Variants in CERT1 observed in about 807,000 individuals in gnomAD.
CERT1 encodes the protein ceramide transporter 1.
A neutral mutation model predicts 87.9 loss-of-function variants in CERT1; 31 were observed. The observed-to-expected ratio is 0.35, with a 90% CI of 0.27 to 0.48. The LOEUF (loss-of-function observed/expected upper bound fraction) is 0.48. Ranked by LOEUF, CERT1 falls within the 20% of genes least tolerant of loss-of-function variation. The pLI is 0.99. For missense variants in CERT1, 487 were observed against 758.0 expected (o/e 0.64, Z 4.20); for synonymous variants, 289 against 250.9 (o/e 1.15, Z -1.44).
At position 75,385,952 on chromosome 5, in the gene CERT1, T is replaced by C; in HGVS notation, c.1367A>G (p.His456Arg). The stretch of plus-strand genomic sequence containing the variant: ...ATTCCAGAAATAATTGCAGACTTCA[T>C]GTCCTGTGACGCCTTTAACTGCATG... ...ATHAVKGVTG[H>R]EVCNYFWNVD... The change falls in exon 13 of 17, where the codon CAT becomes CGT. Residue 456 changes from histidine to arginine, a missense_variant. Coordinates refer to ENST00000643780, the MANE Select transcript of CERT1 (RefSeq NM_001379029.1). The C allele has an allele frequency of 3.8e-6, 6 of 1,591,842 alleles. No individual in the cohort carries two copies. Among genetic ancestry groups the C allele is most frequent in the Non-Finnish European group, 4.3e-6 (5 of 1,169,058 alleles).
At chr5:75,374,395 T>C (rs1020296134), downstream of CERT1, 3 of 551,722 alleles carry the variant, frequency 5.4e-6, no homozygotes, top group African/African-American at 1.9e-5. Context: ...GAATCAAAGG[T>C]ATATGGAATT....
chr5:75,485,952 A>G (rs58216239), intron 2 of CERT1, among the ~76,000 whole-genome samples: 14,141 of 152,064 alleles, frequency 0.093, 1,637 homozygotes, highest in African/African-American at 0.27. Context: ...AACCAATCCT[A>G]CTCAAACTAT....
intron 10 of CERT1, among the ~76,000 whole-genome samples, chr5:75,399,931 G>A (rs1762403218): frequency 6.6e-6 from 1 of 152,286 alleles, no homozygotes; most frequent in African/African-American, 2.4e-5. Flanking sequence ...AAGGTCAGGA[G>A]ATCAAGACCA....
At chr5:75,477,549 T>A (rs1195276336) in intron 2 of CERT1, among the ~76,000 whole-genome samples, 1 of 150,852 alleles carries the variant, frequency 6.6e-6, no homozygotes, top group Admixed American at 6.6e-5. Context: ...GTTTTGTAAC[T>A]GCCTTATTGC....
At chr5:75,467,650 G>GAAAAAAAAAAAAAAA (rs58587061) in intron 2 of CERT1, among the ~76,000 whole-genome samples, 2 of 132,986 alleles carry the variant, frequency 1.5e-5, no homozygotes, top group Non-Finnish European at 1.6e-5. Context: ...CCAAAAAAAA[G>GAAAAAAAAAAAAAAA]AAAAAAAAAA....
At chr5:75,488,096 C>G (rs866337027) in intron 2 of CERT1, among the ~76,000 whole-genome samples, 91 of 151,238 alleles carry the variant, frequency 6.0e-4, no homozygotes, top group Middle Eastern at 3.4e-3. Context: ...TTAATAAGTA[C>G]AAAAATATAG....
intron 2 of CERT1, among the ~76,000 whole-genome samples, chr5:75,483,201 ATCAAGTGGAAAT>A (rs1388664784): frequency 7.2e-5 from 11 of 152,340 alleles, no homozygotes; most frequent in African/African-American, 2.6e-4. Flanking sequence ...ATTTAATGAA[ATCAAGTGGAAAT>A]TCTAGAGCTG....
At chr5:75,475,391 G>A (rs538212543) in intron 2 of CERT1, among the ~76,000 whole-genome samples, 9 of 152,152 alleles carry the variant, frequency 5.9e-5, no homozygotes, top group East Asian at 3.9e-4. Flanking sequence ...CCCAATTTTC[G>A]TTTTAAGTGA....
chr5:75,509,603 T>C (rs1767819786), intron 1 of CERT1, among the ~76,000 whole-genome samples: 1 of 151,888 alleles, frequency 6.6e-6, no homozygotes, highest in Non-Finnish European at 1.5e-5. Context: ...CACTGGTTAC[T>C]TTTTCCCCCG....
intron 8 of CERT1, among the ~76,000 whole-genome samples, chr5:75,405,871 C>T (rs1762685564): frequency 8.4e-5 from 1 of 11,974 alleles, no homozygotes; most frequent in Admixed American, 1.0e-3. Context: ...TCTGCAGTTA[C>T]TGGGGGGGGG....
chr5:75,458,870 A>C (rs745661891), intron 3 of CERT1, among the ~76,000 whole-genome samples, 195 bp downstream of exon 3: 2 of 152,220 alleles, frequency 1.3e-5, no homozygotes, highest in Non-Finnish European at 2.9e-5. Flanking sequence ...TATCATAGCA[A>C]ATACCCTTAG....
chr5:75,494,475 A>G (rs1396611115), intron 2 of CERT1, among the ~76,000 whole-genome samples: 1 of 151,920 alleles, frequency 6.6e-6, no homozygotes, highest in Non-Finnish European at 1.5e-5. Context: ...TTTGATTTCA[A>G]TTGTATCTGG....
chr5:75,471,053 C>T (rs1319761104), intron 2 of CERT1, among the ~76,000 whole-genome samples: 1 of 152,074 alleles, frequency 6.6e-6, no homozygotes, highest in African/African-American at 2.4e-5. Context: ...GATCTCTACA[C>T]TGAAAACTAT....
At chr5:75,373,833 G>A (rs990134644), downstream of CERT1, 5 of 347,138 alleles carry the variant, frequency 1.4e-5, no homozygotes, top group Non-Finnish European at 2.0e-5. Flanking sequence ...AGGATCTTAG[G>A]CCGGACCATA....
At position 75,411,070 on chromosome 5, in the gene CERT1, A is replaced by G; in HGVS notation, c.871T>C (p.Tyr291His). The change falls in exon 8 of 17, where the codon TAT (tyrosine) becomes CAT (histidine). Residue 291 changes from tyrosine (Y) to histidine (H), a missense_variant. Around this residue, in one of 8 missense-constraint regions of CERT1, gnomAD observed 21 missense variants for 20.4 expected, o/e 1.03. Transcript: ENST00000643780. ...TTAAGTTCTGTCATTGCATTTTTATATGCTTCCTCTGTTCTTCTTTTCTTC... is the reference window on the plus strand; with the variant it reads ...TTAAGTTCTGTCATTGCATTTTTATGTGCTTCCTCTGTTCTTCTTTTCTTC... ...TEKKRRTEEAYKNAMTELKKK... is the reference protein window; with the variant it reads ...TEKKRRTEEAHKNAMTELKKK... The G allele has an allele frequency of 1.3e-6, 2 of 1,593,422 alleles. No individual in the cohort carries two copies. The highest frequency in any genetic ancestry group is 1.7e-6 in the Non-Finnish European group (2 of 1,168,210).
chr5:75,431,324 T>A (rs1228881831), intron 3 of CERT1, among the ~76,000 whole-genome samples: 3 of 152,222 alleles, frequency 2.0e-5, no homozygotes, highest in Non-Finnish European at 4.4e-5. Flanking sequence ...TTTGGTTTTC[T>A]GTTCCTGTGT....
intron 11 of CERT1, among the ~76,000 whole-genome samples, chr5:75,398,729 C>A (rs984419166): frequency 2.0e-5 from 3 of 152,126 alleles, no homozygotes; most frequent in Non-Finnish European, 2.9e-5. Context: ...ATTCCTAAAC[C>A]CTTACCAATG....
chr5:75,447,779 T>C (rs1379778436), intron 3 of CERT1, among the ~76,000 whole-genome samples: 1 of 151,648 alleles, frequency 6.6e-6, no homozygotes, highest in Non-Finnish European at 1.5e-5. Context: ...CGGCCTCCTT[T>C]TTTTTTTTGT....
At chr5:75,446,458 T>C (rs567282664) in intron 3 of CERT1, among the ~76,000 whole-genome samples, 14 of 152,324 alleles carry the variant, frequency 9.2e-5, no homozygotes, top group Admixed American at 2.0e-4. Flanking sequence ...GGTAGCTGCT[T>C]TAAAGTCTTT....
Sources: gnomAD v4.1 joint callset for allele counts (sites outside exome capture counted in the v4.1 genomes callset) on GRCh38, gnomAD v4.1.1 for gene constraint, gnomAD v4.1.1 regional missense constraint, MANE v1.5 for transcripts, NCBI Gene and HGNC (gene_info 2026-07-23, HGNC 2026-07-21) for gene names.